PAK5: variants seen among roughly 807,000 people sequenced by gnomAD.
The protein encoded by PAK5 is serine/threonine-protein kinase PAK 5.
Under a neutral mutation model 65.9 loss-of-function variants are expected in PAK5, and 16 were observed. The ratio of observed to expected loss-of-function variants is 0.24; its 90% confidence interval spans 0.16 to 0.37. PAK5 has a LOEUF of 0.37. Among genes scored for constraint, PAK5 ranks in the 10% least tolerant of loss-of-function variants. PAK5 has a pLI of 1.00. For synonymous variants in PAK5, 371 were observed against 354.9 expected (o/e 1.05, Z -0.51); for missense variants, 785 against 903.9 (o/e 0.87, Z 1.69).
chr20:9,568,113 T>C (rs903905667), intron 4 of PAK5, among the ~76,000 whole-genome samples: 1 of 152,150 alleles, frequency 6.6e-6, no homozygotes, highest in Non-Finnish European at 1.5e-5. Context: ...ATGAAGACCT[T>C]GGCAAAGACG....
chr20:9,542,816 T>TA, intron 8 of PAK5, 96 bp from the exon 9 acceptor site: 16 of 1,078,846 alleles, frequency 1.5e-5, no homozygotes, highest in Non-Finnish European at 1.9e-5. Context: ...CAAGTGACTA[T>TA]GGCACTTGTA....
chr20:9,828,745 A>G (rs1247513289), intron 1 of PAK5, among the ~76,000 whole-genome samples: 4 of 152,208 alleles, frequency 2.6e-5, no homozygotes, highest in Non-Finnish European at 4.4e-5. Flanking sequence ...TAGTATGCCA[A>G]ACTTGAATTT....
intron 7 of PAK5, among the ~76,000 whole-genome samples, chr20:9,551,245 A>G (rs2045423275): frequency 1.3e-5 from 2 of 152,250 alleles, no homozygotes; most frequent in Non-Finnish European, 2.9e-5. Context: ...CAAATCACAT[A>G]GACGCTAAGC....
intron 3 of PAK5, among the ~76,000 whole-genome samples, chr20:9,598,129 T>C (rs2046302890): frequency 6.6e-6 from 1 of 152,040 alleles, no homozygotes; most frequent in Non-Finnish European, 1.5e-5. Flanking sequence ...ACAGGCCCAG[T>C]GTGTGTTGTT....
chr20:9,589,234 T>C (rs1271804989), intron 3 of PAK5, among the ~76,000 whole-genome samples: 1 of 152,212 alleles, frequency 6.6e-6, no homozygotes, highest in Admixed American at 6.5e-5. Context: ...TTTTAAACTG[T>C]CTATCTAAAT....
At chr20:9,810,297 C>A (rs1600398585) in intron 1 of PAK5, among the ~76,000 whole-genome samples, 1 of 152,172 alleles carries the variant, frequency 6.6e-6, no homozygotes, top group Admixed American at 6.5e-5. Flanking sequence ...AAACAGCCAG[C>A]CGTTGTGGCT....
chr20:9,565,852 G>T, intron 5 of PAK5, 41 bp downstream of exon 5: 1 of 1,554,590 alleles, frequency 6.4e-7, no homozygotes, highest in Non-Finnish European at 8.7e-7. Flanking sequence ...GGAAATAAAT[G>T]TTACAAAGGA....
At chr20:9,788,231 G>A (rs919817057) in intron 1 of PAK5, among the ~76,000 whole-genome samples, 1 of 151,950 alleles carries the variant, frequency 6.6e-6, no homozygotes, top group African/African-American at 2.4e-5. Context: ...CTCAACCAGG[G>A]AAGCACAGCA....
intron 2 of PAK5, among the ~76,000 whole-genome samples, chr20:9,669,344 TC>T (rs2047462121): frequency 6.6e-6 from 1 of 152,172 alleles, no homozygotes; most frequent in Non-Finnish European, 1.5e-5. Context: ...ATAACAAGCC[TC>T]CTTCTAGAAA....
intron 2 of PAK5, among the ~76,000 whole-genome samples, chr20:9,655,791 C>T (rs1365070452): frequency 6.6e-6 from 1 of 152,064 alleles, no homozygotes; most frequent in African/African-American, 2.4e-5. Flanking sequence ...TTTATTCTCA[C>T]TTCTGGAGGC....
At chr20:9,541,370 T>C (rs1410429851) in intron 9 of PAK5, among the ~76,000 whole-genome samples, 1 of 152,184 alleles carries the variant, frequency 6.6e-6, no homozygotes, top group East Asian at 1.9e-4. Flanking sequence ...ATCATTATTT[T>C]CTGAGCTCGT....
chr20:9,557,764 G>A, intron 6 of PAK5, 30 bp from the exon 7 acceptor site: 1 of 1,597,928 alleles, frequency 6.3e-7, no homozygotes, highest in South Asian at 1.1e-5. Flanking sequence ...TAAGGAACAA[G>A]ACAGGTTTAA....
At chr20:9,608,615 A>G (rs919573871) in intron 3 of PAK5, among the ~76,000 whole-genome samples, 8 of 152,262 alleles carry the variant, frequency 5.3e-5, no homozygotes, top group African/African-American at 1.9e-4. Context: ...TAAATATCAA[A>G]TATCTTCTCT....
At position 9,566,160 on chromosome 20, in the gene PAK5, G is replaced by A. The variant is rs764762401; in HGVS notation, c.1215C>T (p.Ser405=). ...ISTASYLSSL[S]LSSSTYPPPS... The stretch of plus-strand genomic sequence containing the variant: ...GCGGCGGGTAGGTGCTGGATGAGAG[G>A]CTGAGGGAGCTCAGGTAGGAAGCCG... The change falls in exon 5 of 10, where the codon AGC becomes AGT. Residue 405 remains serine, a synonymous_variant. Transcript: ENST00000353224. The A allele has an allele frequency of 2.5e-6, 4 of 1,613,960 alleles. No homozygotes were observed. The South Asian group carries it at 4.4e-5, about 18-fold the overall frequency.
At chr20:9,545,078 A>G (rs1292724842) in intron 7 of PAK5, among the ~76,000 whole-genome samples, 10 of 152,166 alleles carry the variant, frequency 6.6e-5, no homozygotes, top group South Asian at 6.2e-4. Context: ...TTTGTCCATG[A>G]CAGTTGAATC....
At chr20:9,751,992 T>C (rs956191192) in intron 1 of PAK5, among the ~76,000 whole-genome samples, 4 of 152,272 alleles carry the variant, frequency 2.6e-5, no homozygotes, top group African/African-American at 9.6e-5. Flanking sequence ...GTGAGATAGA[T>C]ATTGTCTTTG....
intron 3 of PAK5, among the ~76,000 whole-genome samples, chr20:9,607,550 G>A (rs1180762817): frequency 6.6e-6 from 1 of 152,308 alleles, no homozygotes; most frequent in East Asian, 1.9e-4. Flanking sequence ...AGAAAACGCA[G>A]GCATGGCGGC....
chr20:9,570,094 G>A (rs367856021), intron 4 of PAK5, among the ~76,000 whole-genome samples: 16 of 152,108 alleles, frequency 1.1e-4, no homozygotes, highest in African/African-American at 3.4e-4. Flanking sequence ...TTCCTTATCC[G>A]TAAAATGGAA....
rs536560870 is a variant in PAK5 at position 9,749,900 on chromosome 20, C to A, written c.-161-38465G>T. 2.6e-5 allele frequency among the ~76,000 whole-genome samples: 4 copies of A among 152,278 alleles called. No individual in the cohort carries two copies. In the South Asian group the frequency reaches 8.3e-4, roughly 32 times the overall value. On this transcript the variant is annotated intron_variant, in intron 1 of 9. Coordinates refer to ENST00000353224, the MANE Select transcript of PAK5 (RefSeq NM_177990.4). ...TTGCTGACCAGTAACACTCAGTTTG[C>A]AGATGGCACACGTCCTCAGGCCAGA...
Sources: gnomAD v4.1 joint callset for allele counts (sites outside exome capture counted in the v4.1 genomes callset) on GRCh38, gnomAD v4.1.1 for gene constraint, MANE v1.5 for transcripts, NCBI Gene and HGNC (gene_info 2026-07-23, HGNC 2026-07-21) for gene names.